The following C9orf85 variants were observed in gnomAD, a reference collection of about 807,000 sequenced individuals.
The protein encoded by C9orf85 is chromosome 9 open reading frame 85.
Under a neutral mutation model 14.9 loss-of-function variants are expected in C9orf85, and 16 were observed. The ratio of observed to expected loss-of-function variants is 1.08; its 90% confidence interval spans 0.73 to 1.63. The LOEUF is 1.63. Among genes scored for constraint, C9orf85 ranks in the 40% most tolerant of loss-of-function variants. C9orf85 has a pLI of 0.00. For synonymous variants in C9orf85, 45 were observed against 56.8 expected (o/e 0.79, Z 0.93); for missense variants, 172 against 186.1 (o/e 0.92, Z 0.44).
intron 2 of C9orf85, among the ~76,000 whole-genome samples, chr9:71,957,351 T>C (rs1017876940): frequency 6.6e-6 from 1 of 152,200 alleles, no homozygotes; most frequent in African/African-American, 2.4e-5. Context: ...TTTTTAAGCA[T>C]TGAGTTAAAT....
Position 71,911,773 on chromosome 9 carries a change from T to C in C9orf85, c.39T>C (p.Pro13=). The C allele has an allele frequency of 6.2e-7, 1 of 1,614,068 alleles. No individual in the cohort carries two copies. Among genetic ancestry groups the C allele is most frequent in the Non-Finnish European group, 8.5e-7 (1 of 1,180,004 alleles). The change falls in exon 1 of 4, where the codon CCT becomes CCC. Residue 13 remains proline, a synonymous_variant. Coordinates refer to ENST00000334731, the MANE Select transcript of C9orf85 (RefSeq NM_182505.5). The stretch of plus-strand genomic sequence containing the variant: ...AAGGCAACGTGGCTCGTTCCAGACC[T>C]CAGAAGCACCAGAATACGTTTAGCT... ...SQKGNVARSR[P]QKHQNTFSFK...
chr9:71,935,106 A>C (rs2132282878), intron 1 of C9orf85, among the ~76,000 whole-genome samples: 1 of 152,208 alleles, frequency 6.6e-6, no homozygotes, highest in African/African-American at 2.4e-5. Context: ...AACAAACAGA[A>C]AGTAACATGT....
chr9:71,914,560 A>G (rs1428098625), intron 1 of C9orf85, among the ~76,000 whole-genome samples: 2 of 152,174 alleles, frequency 1.3e-5, no homozygotes, highest in Non-Finnish European at 2.9e-5. Context: ...ACTCACTGCA[A>G]TTAGAAGTTG....
chr9:71,953,246 A>G (rs1231812082), intron 2 of C9orf85, among the ~76,000 whole-genome samples: 1 of 152,210 alleles, frequency 6.6e-6, no homozygotes, highest in East Asian at 1.9e-4. Context: ...CAAGGCACTG[A>G]AACATCCTGT....
intron 1 of C9orf85, among the ~76,000 whole-genome samples, chr9:71,913,304 C>T (rs752720910): frequency 2.6e-5 from 4 of 152,122 alleles, no homozygotes; most frequent in Non-Finnish European, 5.9e-5. Flanking sequence ...TAATAAGCAC[C>T]TTCCGTGTGC....
chr9:71,921,844 G>A (rs1827814813), intron 1 of C9orf85, among the ~76,000 whole-genome samples: 2 of 152,076 alleles, frequency 1.3e-5, no homozygotes, highest in Admixed American at 6.6e-5. Context: ...TAAGCAGAAA[G>A]GGAATTTATT....
intron 2 of C9orf85, among the ~76,000 whole-genome samples, chr9:71,953,755 T>C (rs1169700526): frequency 6.6e-6 from 1 of 151,952 alleles, no homozygotes; most frequent in Admixed American, 6.6e-5. Context: ...TCACCTCTAC[T>C]CAGATACCTC....
chr9:71,956,714 A>G (rs1247494972), intron 2 of C9orf85, among the ~76,000 whole-genome samples: 1 of 152,140 alleles, frequency 6.6e-6, no homozygotes, highest in African/African-American at 2.4e-5. Context: ...AACTCTTAGT[A>G]TTAGCAAATA....
intron 1 of C9orf85, among the ~76,000 whole-genome samples, chr9:71,938,877 G>C (rs1436356815): frequency 6.6e-6 from 1 of 151,502 alleles, no homozygotes; most frequent in Non-Finnish European, 1.5e-5. Context: ...TTAACTAAAT[G>C]ATGGTATTAC....
Position 71,971,506 on chromosome 9 carries a change from G to GT in C9orf85, c.213dup (p.Lys72Ter). The GT allele has an allele frequency of 6.5e-7, 1 of 1,537,028 alleles. No individual in the cohort carries two copies. Among genetic ancestry groups the GT allele is most frequent in the Non-Finnish European group, 8.9e-7 (1 of 1,124,982 alleles). On this transcript the variant is annotated frameshift_variant and splice_region_variant, in exon 3 of 4. Transcript: ENST00000334731. LOFTEE classifies it high-confidence loss of function. ...TTAACATTTTATTTTTTATTTTAGT[G>GT]TTAAATGTTTACAAAAGACAGTGAA...
rs917428400 is a variant in C9orf85, at chr9:71,965,242, A to G, written c.210-6263A>G. On this transcript the variant is annotated intron_variant, in intron 2 of 3. Coordinates refer to ENST00000334731, the MANE Select transcript of C9orf85 (RefSeq NM_182505.5). ...GTCCCTCCCACTGCGCTCTCAGGCA[A>G]TAGATGATTGGCTATTTCTTTACCT... Among the ~76,000 whole-genome samples, 32 of 152,320 alleles carry G rather than the reference A, an allele frequency of 2.1e-4. No homozygotes were observed. In the South Asian group the frequency reaches 2.7e-3, roughly 13 times the overall value.
intron 2 of C9orf85, among the ~76,000 whole-genome samples, chr9:71,964,510 A>G (rs975894079): frequency 2.0e-5 from 3 of 151,926 alleles, no homozygotes; most frequent in African/African-American, 7.3e-5. Flanking sequence ...ACAACTCCAG[A>G]CGCGCCGCCT....
chr9:71,954,892 T>C (rs184633346), intron 2 of C9orf85, among the ~76,000 whole-genome samples: 2 of 152,208 alleles, frequency 1.3e-5, no homozygotes, highest in Non-Finnish European at 2.9e-5. Flanking sequence ...CTGACAGTTA[T>C]GCCACCATAA....
At chr9:71,944,589 G>T (rs116853663) in intron 1 of C9orf85, among the ~76,000 whole-genome samples, 3,299 of 151,942 alleles carry the variant, frequency 0.022, 50 homozygotes, top group South Asian at 0.059. Context: ...GCCAAAATAG[G>T]GTTAATTGTA....
intron 1 of C9orf85, among the ~76,000 whole-genome samples, chr9:71,940,824 G>T (rs1166959753): frequency 6.6e-6 from 1 of 152,106 alleles, no homozygotes; most frequent in East Asian, 1.9e-4. Flanking sequence ...CCTTTAATTG[G>T]TGAATTGAAT....
At chr9:71,968,542 G>A (rs1232475298) in intron 2 of C9orf85, among the ~76,000 whole-genome samples, 1 of 151,792 alleles carries the variant, frequency 6.6e-6, no homozygotes, top group Admixed American at 6.6e-5. Flanking sequence ...GCAAAACTTT[G>A]GCTATTTCTA....
At chr9:71,985,925 G>A (rs1480627904), downstream of C9orf85, 1 of 152,154 alleles carries the variant, frequency 6.6e-6, no homozygotes, top group Non-Finnish European at 1.5e-5. Flanking sequence ...ATTTTAATCT[G>A]AGTGCAATTT....
chr9:71,914,676 G>A (rs1827599595), intron 1 of C9orf85, among the ~76,000 whole-genome samples: 1 of 152,196 alleles, frequency 6.6e-6, no homozygotes, highest in South Asian at 2.1e-4. Context: ...TCTAGAAAAG[G>A]AGAGTATATT....
intron 2 of C9orf85, among the ~76,000 whole-genome samples, chr9:71,970,470 A>G (rs1390790097): frequency 6.6e-6 from 1 of 152,106 alleles, no homozygotes; most frequent in East Asian, 1.9e-4. Flanking sequence ...TATTGTTGTC[A>G]TACATTTTAC....
Sources: gnomAD v4.1 joint callset for allele counts (sites outside exome capture counted in the v4.1 genomes callset) on GRCh38, gnomAD v4.1.1 for gene constraint, MANE v1.5 for transcripts, NCBI Gene and HGNC (gene_info 2026-07-23, HGNC 2026-07-21) for gene names.